PRKG1: variants seen among roughly 807,000 people sequenced by gnomAD.
PRKG1 encodes the protein cGMP-dependent protein kinase 1.
PRKG1 carries 35 observed loss-of-function variants against 88.1 expected under a neutral mutation model. The observed-to-expected ratio is 0.40, with a 90% CI of 0.30 to 0.53. The LOEUF is 0.53. PRKG1 is among the 20% of genes least tolerant of loss of function. The pLI is 0.59. For missense variants in PRKG1, 540 were observed against 839.8 expected (o/e 0.64, Z 4.41); for synonymous variants, 303 against 292.5 (o/e 1.04, Z -0.37).
At chr10:51,959,522 C>G (rs1446853668) in intron 5 of PRKG1, among the ~76,000 whole-genome samples, 2 of 152,106 alleles carry the variant, frequency 1.3e-5, no homozygotes, top group Non-Finnish European at 2.9e-5. Context: ...TCAGTTCCAG[C>G]TTTGATGCCT....
intron 4 of PRKG1, among the ~76,000 whole-genome samples, chr10:51,879,642 GCCTCCCTTGGTAGGAAACAAAAAT>G (rs1841387813): frequency 6.6e-6 from 1 of 152,150 alleles, no homozygotes; most frequent in Non-Finnish European, 1.5e-5. Flanking sequence ...CTTTAAACCT[GCCTCCCTTGGTAGGAAACAAAAAT>G]CCTATGTGTA....
At chr10:51,817,347 A>C (rs567124782) in intron 4 of PRKG1, among the ~76,000 whole-genome samples, 1,692 of 129,382 alleles carry the variant, frequency 0.013, 1 homozygote, top group Non-Finnish European at 0.018. Flanking sequence ...TCCCTCCCCA[A>C]CCCCCCCCCT....
At chr10:52,109,132 A>G (rs1847496451) in intron 7 of PRKG1, among the ~76,000 whole-genome samples, 1 of 151,988 alleles carries the variant, frequency 6.6e-6, no homozygotes, top group Non-Finnish European at 1.5e-5. Flanking sequence ...GGCCTTCAAC[A>G]AGGATTTATT....
At chr10:51,709,030 A>G (rs1841678138) in intron 3 of PRKG1, among the ~76,000 whole-genome samples, 1 of 152,228 alleles carries the variant, frequency 6.6e-6, no homozygotes, top group Non-Finnish European at 1.5e-5. Flanking sequence ...AGCCATTTCC[A>G]ATGCACATTC....
At chr10:51,007,561 A>G (rs979093820) in intron 1 of PRKG1, among the ~76,000 whole-genome samples, 3 of 152,184 alleles carry the variant, frequency 2.0e-5, no homozygotes, top group Non-Finnish European at 2.9e-5. Context: ...AAAGGCTAAG[A>G]GCATGGACTG....
intron 5 of PRKG1, among the ~76,000 whole-genome samples, chr10:52,004,602 T>C (rs1312753167): frequency 2.0e-5 from 3 of 152,196 alleles, no homozygotes; most frequent in African/African-American, 7.2e-5. Flanking sequence ...TAAAAATGCA[T>C]AGCATGGAAT....
At chr10:52,190,810 T>C (rs989661239) in intron 9 of PRKG1, among the ~76,000 whole-genome samples, 5 of 152,156 alleles carry the variant, frequency 3.3e-5, no homozygotes, top group Non-Finnish European at 7.4e-5. Context: ...GATTCAACAT[T>C]TACCAACCTT....
At chr10:51,350,925 C>T (rs1447433784) in intron 2 of PRKG1, among the ~76,000 whole-genome samples, 3 of 152,124 alleles carry the variant, frequency 2.0e-5, no homozygotes, top group African/African-American at 7.2e-5. Context: ...AGCCCCCCAT[C>T]CCCTGACAGG....
chr10:51,632,430 T>A (rs1839550144), intron 3 of PRKG1, among the ~76,000 whole-genome samples: 2 of 152,198 alleles, frequency 1.3e-5, no homozygotes, highest in African/African-American at 4.8e-5. Context: ...TTCCAATGAT[T>A]TTATGAGCTT....
intron 2 of PRKG1, chr10:51,306,796 A>G (rs1231175602): frequency 6.6e-6 from 1 of 152,184 alleles, no homozygotes; most frequent in African/African-American, 2.4e-5. Flanking sequence ...ATTTACTTAC[A>G]TTGCCAAAAG....
chr10:51,966,266 G>A (rs1843564737), intron 5 of PRKG1, among the ~76,000 whole-genome samples: 2 of 151,924 alleles, frequency 1.3e-5, no homozygotes, highest in Admixed American at 1.3e-4. Flanking sequence ...ACAGTACCTG[G>A]CTCATTGTAA....
chr10:52,275,786 A>G (rs1841859118), intron 12 of PRKG1, among the ~76,000 whole-genome samples: 3 of 152,218 alleles, frequency 2.0e-5, no homozygotes, highest in South Asian at 4.1e-4. Flanking sequence ...CATTTTCACA[A>G]TATTGATTCT....
intron 4 of PRKG1, among the ~76,000 whole-genome samples, chr10:51,807,381 C>A (rs1437912072): frequency 1.3e-5 from 2 of 152,108 alleles, no homozygotes; most frequent in Non-Finnish European, 2.9e-5. Flanking sequence ...GAAAGGGTAC[C>A]ATCCCTTTCC....
intron 2 of PRKG1, among the ~76,000 whole-genome samples, chr10:51,405,103 CTTCA>C (rs1564479810): frequency 6.6e-6 from 1 of 152,170 alleles, no homozygotes; most frequent in African/African-American, 2.4e-5. Context: ...ATAAATTTGC[CTTCA>C]TTAAGTGGAG....
intron 8 of PRKG1, among the ~76,000 whole-genome samples, chr10:52,134,798 G>A (rs1837360640): frequency 6.6e-6 from 1 of 152,086 alleles, no homozygotes; most frequent in Admixed American, 6.6e-5. Context: ...TCCGGATGGA[G>A]AGAAATTCTA....
At chr10:51,808,523 G>A (rs924041044) in intron 4 of PRKG1, among the ~76,000 whole-genome samples, 1 of 151,980 alleles carries the variant, frequency 6.6e-6, no homozygotes. Context: ...GGATCACTTG[G>A]GCCTGGTAGG....
chr10:51,606,147 A>G (rs552544611), intron 3 of PRKG1, among the ~76,000 whole-genome samples: 1 of 152,222 alleles, frequency 6.6e-6, no homozygotes. Context: ...AATAAATGGT[A>G]GGTTAATTTA....
At chr10:52,166,829 GTATATATATGTATATATATGTC>G (rs1838474645) in intron 9 of PRKG1, among the ~76,000 whole-genome samples, 1 of 5,578 alleles carries the variant, frequency 1.8e-4, no homozygotes, top group Admixed American at 2.6e-3. Flanking sequence ...GTATATATAT[GTATATATATGTATATATATGTC>G]TATATATATA....
intron 3 of PRKG1, among the ~76,000 whole-genome samples, chr10:51,788,601 C>A (rs371058005): frequency 6.6e-6 from 1 of 152,088 alleles, no homozygotes; most frequent in South Asian, 2.1e-4. Context: ...AGAAAATAAA[C>A]GCCAAATAGT....
Sources: allele counts gnomAD v4.1 joint callset (sites outside exome capture counted in the v4.1 genomes callset), GRCh38; gene constraint gnomAD v4.1.1; transcripts MANE v1.5; gene names NCBI Gene and HGNC (gene_info 2026-07-23, HGNC 2026-07-21).